FAM221B: variants seen among roughly 807,000 people sequenced by gnomAD.
FAM221B encodes the protein family with sequence similarity 221 member B, also known as protein FAM221B.
In FAM221B, 35 loss-of-function variants were observed where a neutral mutation model predicts 39.8. The ratio of observed to expected loss-of-function variants is 0.88; its 90% CI spans 0.67 to 1.17. FAM221B has a LOEUF of 1.17. FAM221B is among the 50% of genes most tolerant of loss of function. The pLI is 0.00. For synonymous variants in FAM221B, 158 were observed against 178.1 expected (o/e 0.89, Z 0.90); for missense variants, 479 against 503.1 (o/e 0.95, Z 0.46).
rs1829298662 is a variant in FAM221B at position 35,825,173 on chromosome 9, G to A, written c.742+57C>T. The A allele has an allele frequency of 1.9e-6, 3 of 1,598,068 alleles. No homozygotes were observed. Among genetic ancestry groups the A allele is most frequent in the Non-Finnish European group, 2.6e-6 (3 of 1,168,884 alleles). Reference sequence around the variant, plus strand: ...GAATGTTCAGGTTCCCAGATCTTTTGGATTAGAGGATGCCCATGGGCCTGT... The same window carrying A: ...GAATGTTCAGGTTCCCAGATCTTTTAGATTAGAGGATGCCCATGGGCCTGT... On this transcript the variant is annotated intron_variant, in intron 3 of 6. Coordinates refer to ENST00000423537, the MANE Select transcript of FAM221B (RefSeq NM_001012446.4). The surrounding 1 kb of genome is among the most constrained non-coding windows in gnomAD (Gnocchi z 4.2).
At chr9:35,827,687 C>T (rs1438436122) in intron 1 of FAM221B, among the ~76,000 whole-genome samples, 3 of 152,208 alleles carry the variant, frequency 2.0e-5, no homozygotes, top group African/African-American at 4.8e-5. Flanking sequence ...AATTTCTTGG[C>T]CCTGGCATTC....
Position 35,828,523 on chromosome 9 carries a change from A to AGG in FAM221B, c.-63_-62dup. 1.0e-6 allele frequency: 1 copy of AGG among 985,458 alleles called. No homozygotes were observed. Among genetic ancestry groups the AGG allele is most frequent in the Non-Finnish European group, 1.2e-6 (1 of 829,960 alleles). 61.0% of individuals were successfully genotyped at this position (985,458 alleles called of 1,614,324 possible). A position where few individuals can be genotyped will look rare whatever the true frequency, so the allele number is the denominator to read the frequency against. ...GGTCAAGACCTTGACTTAGGATGGCAGGGGGAGGTGTTGATCCTCAGGGAG... is the reference window on the plus strand; with the variant it reads ...GGTCAAGACCTTGACTTAGGATGGCAGGGGGGGAGGTGTTGATCCTCAGGGAG... On this transcript the variant is annotated 5_prime_UTR_variant, in exon 1 of 7. The change abolishes the stop of an existing upstream ORF in the 5' untranslated region. Transcript: ENST00000423537. The surrounding 1 kb of genome is among the most constrained non-coding windows in gnomAD (Gnocchi z 4.5).
rs143776710 is a variant in FAM221B at position 35,828,192 on chromosome 9, T to C, written c.-1+271A>G. Among the ~76,000 whole-genome samples the C allele has an allele frequency of 6.7e-3, 1,012 of 152,098 alleles. 13 individuals are homozygous for C. Among genetic ancestry groups the C allele is most frequent in the African/African-American group, 0.023 (947 of 41,472 alleles). On this transcript the variant is annotated intron_variant, in intron 1 of 6. Coordinates refer to ENST00000423537, the MANE Select transcript of FAM221B (RefSeq NM_001012446.4). This position sits in a 1 kb window ranked among gnomAD's most constrained non-coding sequence, Gnocchi z 4.5. The stretch of plus-strand genomic sequence containing the variant: ...CTGTAGTCCCAGCTACTGGGGAGGC[T>C]GAAGCAAGCAAATCACTTGAACCTG...
intron 1 of FAM221B, among the ~76,000 whole-genome samples, 164 bp from the exon 2 acceptor site, chr9:35,826,325 T>G (rs1426832657): frequency 6.6e-6 from 1 of 152,178 alleles, no homozygotes; most frequent in Non-Finnish European, 1.5e-5. Flanking sequence ...TAGAGTGTGA[T>G]GCCAAAAGGT....
At chr9:35,821,698 G>A (rs1318249350) in intron 3 of FAM221B, 2 of 1,162,392 alleles carry the variant, frequency 1.7e-6, no homozygotes, top group Non-Finnish European at 2.4e-6. Flanking sequence ...CGGAGGGCCG[G>A]GGGGCAGTCA....
rs763737127 is a variant in FAM221B, at chr9:35,818,914, G to A, written c.1147C>T (p.Arg383Trp). ...HETFFDTQKT[R>W]QRGGRPRGTD... is the part of the protein sequence containing the mutation. ...CCGCGAGGCCTTCCTCCTCGTTGCC[G>A]GGTCTTCTGGGTGTCAAAGAAAGTC... Residue 383 changes from arginine (R) to tryptophan (W), a missense_variant, in exon 6 of 7, where the codon CGG (arginine) becomes TGG (tryptophan). Transcript: ENST00000423537. 2.7e-5 allele frequency: 42 copies of A among 1,551,884 alleles called. No homozygotes were observed. The highest frequency in any genetic ancestry group is 1.7e-4 in the Middle Eastern group (1 of 5,992).
intron 3 of FAM221B, among the ~76,000 whole-genome samples, chr9:35,820,329 A>T (rs1564005723): frequency 6.6e-6 from 1 of 152,170 alleles, no homozygotes; most frequent in Non-Finnish European, 1.5e-5. Flanking sequence ...CATGAATCTC[A>T]CTGAGTTCTC....
chr9:35,818,262 GACTTCCT>G lies in FAM221B; in HGVS notation c.*200_*206del. On this transcript the variant is annotated 3_prime_UTR_variant, in exon 7 of 7. Coordinates refer to ENST00000423537, the MANE Select transcript of FAM221B (RefSeq NM_001012446.4). Reference sequence around the variant, plus strand: ...CCTTCTTGAAACTTCCTCCCTTCTTGACTTCCTTGAAGCCACTTTCCTTCAACAGGCA... The same window carrying G: ...CCTTCTTGAAACTTCCTCCCTTCTTGTGAAGCCACTTTCCTTCAACAGGCA... 2 of 584,018 alleles carry G rather than the reference GACTTCCT, an allele frequency of 3.4e-6. No homozygotes were observed. The highest frequency in any genetic ancestry group is 6.1e-6 in the Non-Finnish European group (2 of 325,562). 36.2% of individuals were successfully genotyped at this position (584,018 alleles called of 1,614,324 possible).
chr9:35,820,116 CAGGTATCTTTA>C, intron 3 of FAM221B, 116 bp from the exon 4 acceptor site: 1 of 645,060 alleles, frequency 1.6e-6, no homozygotes, highest in Non-Finnish European at 2.7e-6. Flanking sequence ...TCCCCACCCC[CAGGTATCTTTA>C]TCTCCACCTG....
Position 35,819,320 on chromosome 9 carries a change from C to A in FAM221B, c.928G>T (p.Val310Leu). The stretch of plus-strand genomic sequence containing the variant: ...CGTCTCTTGAGCCAGAACTCACCCA[C>A]CTCCTCTGGGCGTGATGGGATAAAG... ...FCFIPSRPEE[V>L]GEFWLKRRAT... is the part of the protein sequence containing the mutation. The change falls in exon 5 of 7, where the codon GTG (valine) becomes TTG (leucine). Residue 310 changes from valine (V) to leucine (L), a missense_variant. By Grantham distance (32) the Val-to-Leu change is conservative. Transcript: ENST00000423537. 6.4e-7 allele frequency: 1 copy of A among 1,551,754 alleles called. No individual in the cohort carries two copies. Among genetic ancestry groups the A allele is most frequent in the Non-Finnish European group, 8.7e-7 (1 of 1,147,002 alleles).
At chr9:35,822,646 T>C (rs1236914312) in intron 3 of FAM221B, among the ~76,000 whole-genome samples, 2 of 152,116 alleles carry the variant, frequency 1.3e-5, no homozygotes, top group African/African-American at 2.4e-5. Context: ...TAGCCTCAGG[T>C]GATCCACCCC....
At chr9:35,818,786 G>A in intron 6 of FAM221B, 104 bp downstream of exon 6, 2 of 1,463,064 alleles carry the variant, frequency 1.4e-6, no homozygotes. Context: ...GGCTGAGGGA[G>A]CGCGCTAGTC....
chr9:35,821,400 C>T (rs1407063978), intron 3 of FAM221B: 17 of 1,356,006 alleles, frequency 1.3e-5, no homozygotes, highest in Non-Finnish European at 1.6e-5. Context: ...GGCCACAATT[C>T]ACAATTCCGT....
intron 1 of FAM221B, among the ~76,000 whole-genome samples, 155 bp from the exon 2 acceptor site, chr9:35,826,316 A>T (rs1829358273): frequency 6.6e-6 from 1 of 152,236 alleles, no homozygotes; most frequent in South Asian, 2.1e-4. Context: ...TCTGGGTCCT[A>T]GAGTGTGATG....
Position 35,825,519 on chromosome 9 carries a change from G to T in FAM221B, c.598+45C>A. The T allele has an allele frequency of 6.3e-7, 1 of 1,581,224 alleles. No individual in the cohort carries two copies. The highest frequency in any genetic ancestry group is 8.6e-7 in the Non-Finnish European group (1 of 1,159,090). On this transcript the variant is annotated intron_variant, in intron 2 of 6. Coordinates refer to ENST00000423537, the MANE Select transcript of FAM221B (RefSeq NM_001012446.4). This position sits in a 1 kb window ranked among gnomAD's most constrained non-coding sequence, Gnocchi z 4.2. ...GTAGTGAGAACAGGACAGGGGAGAG[G>T]ACAGGTACAATTACAGCTAACTCCT...
rs930812070 is a variant in FAM221B at position 35,828,193 on chromosome 9, G to A, written c.-1+270C>T. On this transcript the variant is annotated intron_variant, in intron 1 of 6. Coordinates refer to ENST00000423537, the MANE Select transcript of FAM221B (RefSeq NM_001012446.4). The surrounding 1 kb of genome is among the most constrained non-coding windows in gnomAD (Gnocchi z 4.5). ...TGTAGTCCCAGCTACTGGGGAGGCT[G>A]AAGCAAGCAAATCACTTGAACCTGG... Among the ~76,000 whole-genome samples, 1 of 152,144 alleles carries A rather than the reference G, an allele frequency of 6.6e-6. No homozygotes were observed. The highest frequency in any genetic ancestry group is 2.4e-5 in the African/African-American group (1 of 41,412).
rs1327401495 is a variant in FAM221B, at chr9:35,828,244, A to G, written c.-1+219T>C. Among the ~76,000 whole-genome samples, 3 of 151,916 alleles carry G rather than the reference A, an allele frequency of 2.0e-5. No homozygotes were observed. Among genetic ancestry groups the G allele is most frequent in the Non-Finnish European group, 2.9e-5 (2 of 67,974 alleles). ...GAGGCGGAGGTTGCAGTGAGCCCAG[A>G]TCGCACCACTGCACTCCAGCCTGGG... On this transcript the variant is annotated intron_variant, in intron 1 of 6. Transcript: ENST00000423537. The surrounding 1 kb of genome is among the most constrained non-coding windows in gnomAD (Gnocchi z 4.5).
chr9:35,820,007 A>T lies in FAM221B; in HGVS notation c.743-7T>A. 1 of 1,601,890 alleles carries T rather than the reference A, an allele frequency of 6.2e-7. No individual in the cohort carries two copies. Among genetic ancestry groups the T allele is most frequent in the Non-Finnish European group, 8.6e-7 (1 of 1,168,962 alleles). ...CGCCAGCCAATGTAGAGACCTAGGTATGCAGGATTAAAAGTGAGAAGTAAA... is the reference window on the plus strand; with the variant it reads ...CGCCAGCCAATGTAGAGACCTAGGTTTGCAGGATTAAAAGTGAGAAGTAAA... On this transcript the variant is annotated splice_polypyrimidine_tract_variant and splice_region_variant and intron_variant, in intron 3 of 6. Coordinates refer to ENST00000423537, the MANE Select transcript of FAM221B (RefSeq NM_001012446.4).
Position 35,828,351 on chromosome 9 carries a change from A to G in FAM221B, c.-1+112T>C, listed in dbSNP as rs949677781. On this transcript the variant is annotated intron_variant, in intron 1 of 6. Transcript: ENST00000423537. The surrounding 1 kb of genome is among the most constrained non-coding windows in gnomAD (Gnocchi z 4.5). ...AACAACAACTACTACTACTACTACT[A>G]CTACTACTACTACTACTACTACTAC... 1.2e-5 allele frequency: 2 copies of G among 169,964 alleles called. No homozygotes were observed. The highest frequency in any genetic ancestry group is 2.3e-5 in the Non-Finnish European group (2 of 86,740). 10.5% of individuals were successfully genotyped at this position (169,964 alleles called of 1,614,324 possible). A position where few individuals can be genotyped will look rare whatever the true frequency, so the allele number is the denominator to read the frequency against.
Sources: gnomAD v4.1 joint callset for allele counts (sites outside exome capture counted in the v4.1 genomes callset) on GRCh38, gnomAD v4.1.1 for gene constraint, Gnocchi (gnomAD v3.1) non-coding constraint, MANE v1.5 for transcripts, NCBI Gene and HGNC (gene_info 2026-07-23, HGNC 2026-07-21) for gene names.